Variants in TEN1 observed in about 807,000 individuals in gnomAD.
TEN1 encodes the protein TEN1 subunit of CST complex.
A neutral mutation model predicts 9.3 loss-of-function variants in TEN1; 6 were observed. That is an observed-to-expected ratio of 0.65 (90% CI 0.35 to 1.27). The LOEUF (loss-of-function observed/expected upper bound fraction) is 1.27. TEN1 is among the 50% of genes most tolerant of loss of function. The pLI, the probability that TEN1 is intolerant of heterozygous loss-of-function variation, is 0.03. For missense variants in TEN1, 149 were observed against 158.2 expected (o/e 0.94, Z 0.31); for synonymous variants, 65 against 65.6 (o/e 0.99, Z 0.04).
At chr17:75,983,127 A>G (rs2066132397) in intron 1 of TEN1, among the ~76,000 whole-genome samples, 1 of 151,766 alleles carries the variant, frequency 6.6e-6, no homozygotes, top group Non-Finnish European at 1.5e-5. Context: ...CTAAAAATAC[A>G]AAAATTAGCC....
Position 76,000,283 on chromosome 17 carries a change from C to A in TEN1, c.*21C>A. On this transcript the variant is annotated 3_prime_UTR_variant, in exon 4 of 4. Coordinates refer to ENST00000397640, the MANE Select transcript of TEN1 (RefSeq NM_001113324.3). This position sits in a 1 kb window ranked among gnomAD's most constrained non-coding sequence, Gnocchi z 5.9. ...AGTAGGAAACAGCAGCCTAGCAACA[C>A]CCTCACCTGCTTCAGAGCCCGAACC... The A allele has an allele frequency of 1.3e-6, 2 of 1,546,800 alleles. No individual in the cohort carries two copies. Among genetic ancestry groups the A allele is most frequent in the Non-Finnish European group, 1.7e-6 (2 of 1,144,138 alleles).
chr17:75,979,386 G>A lies in TEN1; in HGVS notation c.-132G>A, dbSNP rs2066095553. 2 of 518,712 alleles carry A rather than the reference G, an allele frequency of 3.9e-6. No individual in the cohort carries two copies. The allele number at this position is 518,712 out of a possible 1,614,324, so 32.1% of individuals were successfully genotyped here. A position where few individuals can be genotyped will look rare whatever the true frequency, so the allele number is the denominator to read the frequency against. ...TCGGGAAAGGGGCTCCGAAGGTCAA[G>A]AAACTGCCCTGCTGGGCGTCCGGGG... On this transcript the variant is annotated 5_prime_UTR_variant, in exon 1 of 4. Coordinates refer to ENST00000397640, the MANE Select transcript of TEN1 (RefSeq NM_001113324.3).
intron 2 of TEN1, among the ~76,000 whole-genome samples, chr17:75,986,742 A>G (rs1471059757): frequency 6.6e-6 from 1 of 151,450 alleles, no homozygotes; most frequent in Non-Finnish European, 1.5e-5. Flanking sequence ...ATATATATTG[A>G]AAAAATTAAT....
intron 1 of TEN1, among the ~76,000 whole-genome samples, chr17:75,982,026 C>CA (rs1426879689): frequency 6.6e-6 from 1 of 151,850 alleles, no homozygotes; most frequent in Non-Finnish European, 1.5e-5. Flanking sequence ...GACTCTGTCT[C>CA]AAAAAACAAA....
At chr17:75,984,347 C>T (rs1358909610) in intron 1 of TEN1, among the ~76,000 whole-genome samples, 4 of 152,116 alleles carry the variant, frequency 2.6e-5, no homozygotes, top group South Asian at 2.1e-4. Flanking sequence ...AAATAATGGT[C>T]GGCTTTCCAA....
In TEN1 at chr17:76,000,085, G is replaced by A; in HGVS notation, c.251-56G>A. 2.6e-6 allele frequency: 4 copies of A among 1,534,218 alleles called. No homozygotes were observed. Among genetic ancestry groups the A allele is most frequent in the Non-Finnish European group, 3.5e-6 (4 of 1,135,542 alleles). On this transcript the variant is annotated intron_variant, in intron 3 of 3. Coordinates refer to ENST00000397640, the MANE Select transcript of TEN1 (RefSeq NM_001113324.3). The surrounding 1 kb of genome is among the most constrained non-coding windows in gnomAD (Gnocchi z 5.9). ...GGGAACAGCTGGAATGCACCTTGGA[G>A]GACGTTGTTGACACGCCGCTCAGTC...
rs529261643 is a variant in TEN1 at position 76,000,102 on chromosome 17, C to T, written c.251-39C>T. The T allele has an allele frequency of 8.7e-5, 135 of 1,543,456 alleles. No individual in the cohort carries two copies. The Admixed American group carries it at 1.4e-3, about 16-fold the overall frequency. On this transcript the variant is annotated intron_variant, in intron 3 of 3. Coordinates refer to ENST00000397640, the MANE Select transcript of TEN1 (RefSeq NM_001113324.3). The surrounding 1 kb of genome is among the most constrained non-coding windows in gnomAD (Gnocchi z 5.9). ...ACCTTGGAGGACGTTGTTGACACGC[C>T]GCTCAGTCGCCGTTCGTGCCCTGGT... is the stretch of plus-strand genomic sequence containing the variant.
intron 1 of TEN1, among the ~76,000 whole-genome samples, chr17:75,980,420 CTCTAG>C (rs1389905332): frequency 2.6e-5 from 4 of 151,038 alleles, no homozygotes; most frequent in Non-Finnish European, 5.9e-5. Context: ...GTTGAATCAT[CTCTAG>C]TCATTTTTTT....
chr17:75,986,116 C>T, intron 1 of TEN1, 71 bp from the exon 2 acceptor site: 1 of 1,214,282 alleles, frequency 8.2e-7, no homozygotes, highest in Non-Finnish European at 1.1e-6. Flanking sequence ...CATATATCTG[C>T]TAATCTCTGT....
chr17:76,000,223 G>T lies in TEN1; in HGVS notation c.333G>T (p.Glu111Asp), dbSNP rs1412372476. 63 of 1,551,456 alleles carry T rather than the reference G, an allele frequency of 4.1e-5. No individual in the cohort carries two copies. Among genetic ancestry groups the T allele is most frequent in the Non-Finnish European group, 5.5e-5 (63 of 1,146,972 alleles). ...NLPLLEQAIR[E>D]QRLYKQERGG... ...CCTTGTTGGAACAAGCCATCCGGGAGCAGAGACTGTACAAGCAGGAGCGGG... is the reference window on the plus strand; with the variant it reads ...CCTTGTTGGAACAAGCCATCCGGGATCAGAGACTGTACAAGCAGGAGCGGG... The change falls in exon 4 of 4, where the codon GAG becomes GAT. Residue 111 changes from glutamate (E) to aspartate (D), a missense_variant. Physicochemically the swap from Glu to Asp is conservative, Grantham distance 45. Coordinates refer to ENST00000397640, the MANE Select transcript of TEN1 (RefSeq NM_001113324.3). The surrounding 1 kb of genome is among the most constrained non-coding windows in gnomAD (Gnocchi z 5.9).
intron 1 of TEN1, among the ~76,000 whole-genome samples, chr17:75,985,828 T>G (rs1490435480): frequency 6.6e-6 from 1 of 151,450 alleles, no homozygotes; most frequent in African/African-American, 2.4e-5. Context: ...CCGGCCATGT[T>G]TTTTTTTCTT....
chr17:75,984,479 G>C (rs571005672), intron 1 of TEN1: 1 of 152,304 alleles, frequency 6.6e-6, no homozygotes, highest in African/African-American at 2.4e-5. Context: ...GCTCACTGCA[G>C]CCTCGACCTC....
At chr17:75,988,495 T>A (rs2066165310) in intron 2 of TEN1, among the ~76,000 whole-genome samples, 1 of 131,836 alleles carries the variant, frequency 7.6e-6, no homozygotes. Flanking sequence ...CTGGGAGGTT[T>A]AGGCTGCAGT....
intron 3 of TEN1, among the ~76,000 whole-genome samples, chr17:75,992,983 A>G (rs2066196088): frequency 1.4e-5 from 2 of 142,156 alleles, no homozygotes; most frequent in East Asian, 2.1e-4. Flanking sequence ...TTGTCTCGAG[A>G]CAGAGTCTTG....
intron 1 of TEN1, among the ~76,000 whole-genome samples, chr17:75,980,900 G>C (rs549965148): frequency 2.6e-5 from 4 of 152,176 alleles, no homozygotes; most frequent in Non-Finnish European, 2.9e-5. Context: ...ACAGCAGAGA[G>C]GGTGTCTAGT....
chr17:75,989,173 C>T (rs1465139444), intron 2 of TEN1, among the ~76,000 whole-genome samples: 1 of 151,652 alleles, frequency 6.6e-6, no homozygotes, highest in Admixed American at 6.6e-5. Context: ...GATCTCAGCT[C>T]ACTGCAAGTT....
intron 1 of TEN1, among the ~76,000 whole-genome samples, chr17:75,985,273 G>A (rs372018306): frequency 1.3e-5 from 2 of 151,964 alleles, no homozygotes; most frequent in Admixed American, 1.3e-4. Flanking sequence ...AGCCTCCTAA[G>A]TTGCTGGGAC....
rs749879375 is a variant in TEN1, at chr17:76,000,459, A to T, written c.*197A>T. ...ATGAGAACCCAGAAAGCATGCCATA[A>T]ATCCGACAGCCCCACCCCAGGAGAC... On this transcript the variant is annotated 3_prime_UTR_variant, in exon 4 of 4. Coordinates refer to ENST00000397640, the MANE Select transcript of TEN1 (RefSeq NM_001113324.3). The surrounding 1 kb of genome is among the most constrained non-coding windows in gnomAD (Gnocchi z 5.9). 16 of 832,396 alleles carry T rather than the reference A, an allele frequency of 1.9e-5. No individual in the cohort carries two copies. Among genetic ancestry groups the T allele is most frequent in the Non-Finnish European group, 2.8e-5 (16 of 563,522 alleles). The allele number at this position is 832,396 out of a possible 1,614,324, so 51.6% of individuals were successfully genotyped here.
Position 76,000,218 on chromosome 17 carries a change from C to A in TEN1, c.328C>A (p.Arg110=). The A allele has an allele frequency of 6.4e-7, 1 of 1,551,362 alleles. No homozygotes were observed. The highest frequency in any genetic ancestry group is 1.4e-5 in the African/African-American group (1 of 73,128). Residue 110 remains arginine, a synonymous_variant, in exon 4 of 4, where the codon CGG becomes AGG. Transcript: ENST00000397640. This position sits in a 1 kb window ranked among gnomAD's most constrained non-coding sequence, Gnocchi z 5.9. ...MNLPLLEQAI[R]EQRLYKQERG... is the part of the protein sequence containing the mutation. ...CCTGCCCTTGTTGGAACAAGCCATC[C>A]GGGAGCAGAGACTGTACAAGCAGGA...
Sources: gnomAD v4.1 joint callset for allele counts (sites outside exome capture counted in the v4.1 genomes callset) on GRCh38, gnomAD v4.1.1 for gene constraint, Gnocchi (gnomAD v3.1) non-coding constraint, MANE v1.5 for transcripts, NCBI Gene and HGNC (gene_info 2026-07-23, HGNC 2026-07-21) for gene names.